The following PYGM variants were observed in gnomAD, a reference collection of about 807,000 sequenced individuals.
The protein encoded by PYGM is glycogen phosphorylase, muscle associated.
In PYGM, 81 loss-of-function variants were observed where a neutral mutation model predicts 99.3. The ratio of observed to expected loss-of-function variants is 0.82; its 90% CI spans 0.68 to 0.98. PYGM has a LOEUF of 0.98. PYGM is among the 50% of genes least tolerant of loss of function. The pLI is 0.00. For synonymous variants in PYGM, 436 were observed against 451.5 expected (o/e 0.97, Z 0.44); for missense variants, 1,030 against 1,158.1 (o/e 0.89, Z 1.61).
chr11:64,759,148 A>G (rs1405013045), intron 1 of PYGM, among the ~76,000 whole-genome samples: 1 of 152,158 alleles, frequency 6.6e-6, no homozygotes, highest in Non-Finnish European at 1.5e-5. Flanking sequence ...CAGAGGCACC[A>G]GAAACTAGGA....
intron 1 of PYGM, 87 bp from the exon 2 acceptor site, chr11:64,758,791 C>G: frequency 2.5e-6 from 3 of 1,200,242 alleles, no homozygotes; most frequent in Non-Finnish European, 3.7e-6. Flanking sequence ...GACCTCTGGC[C>G]CGCCTGCCCT....
chr11:64,747,052 A>G (rs1214969609), intron 18 of PYGM, 65 bp from the exon 19 acceptor site: 2 of 1,591,374 alleles, frequency 1.3e-6, no homozygotes, highest in Non-Finnish European at 1.7e-6. Flanking sequence ...TATGAGGTCA[A>G]GGGCCAAGCC....
chr11:64,754,723 C>A lies in PYGM; in HGVS notation c.969G>T (p.Val323=). ...KSSKFGCRDP[V]RTNFDAFPDK... Reference sequence around the variant, plus strand: ...CTGGGAAGGCATCGAAGTTCGTGCGCACGGGATCACGGCAGCCGAACTTGG... The same window carrying A: ...CTGGGAAGGCATCGAAGTTCGTGCGAACGGGATCACGGCAGCCGAACTTGG... The change falls in exon 8 of 20, where the codon GTG becomes GTT. Residue 323 remains valine, a synonymous_variant. Transcript: ENST00000164139. This position sits in a 1 kb window ranked among gnomAD's most constrained non-coding sequence, Gnocchi z 5.5. 1 of 1,613,740 alleles carries A rather than the reference C, an allele frequency of 6.2e-7. No individual in the cohort carries two copies. Among genetic ancestry groups the A allele is most frequent in the African/African-American group, 1.3e-5 (1 of 75,008 alleles).
In PYGM at chr11:64,747,256, C is replaced by T. The variant is rs559739461; in HGVS notation, c.2280G>A (p.Lys760=). 3.1e-6 allele frequency: 5 copies of T among 1,614,170 alleles called. No homozygotes were observed. Among genetic ancestry groups the T allele is most frequent in the Non-Finnish European group, 4.2e-6 (5 of 1,179,992 alleles). The part of the protein sequence containing the change: ...FFSPKQPDLF[K]DIVNMLMHHD... ...GGTGCATGAGCATATTGACAATGTCCTTGAACAGGTCGGGCTGTTTGGGGG... is the reference window on the plus strand; with the variant it reads ...GGTGCATGAGCATATTGACAATGTCTTTGAACAGGTCGGGCTGTTTGGGGG... Residue 760 remains lysine, a synonymous_variant, in exon 18 of 20, where the codon AAG becomes AAA. Coordinates refer to ENST00000164139, the MANE Select transcript of PYGM (RefSeq NM_005609.4).
chr11:64,757,874 G>C lies in PYGM; in HGVS notation c.565C>G (p.Pro189Ala). The C allele has an allele frequency of 6.2e-7, 1 of 1,614,140 alleles. No individual in the cohort carries two copies. The highest frequency in any genetic ancestry group is 1.6e-4 in the Middle Eastern group (1 of 6,062). Residue 189 changes from proline to alanine, a missense_variant, in exon 5 of 20, where the codon CCC becomes GCC. Transcript: ENST00000164139. ...AACTCGGGCCGGGCCTTCTCCCAGG[G>C]GTTGCCGTAGCGAAGCCAGTCATCG... ...EADDWLRYGN[P>A]WEKARPEFTL...
At chr11:64,756,733 G>A (rs2058396723) in intron 5 of PYGM, among the ~76,000 whole-genome samples, 1 of 151,996 alleles carries the variant, frequency 6.6e-6, no homozygotes, top group Non-Finnish European at 1.5e-5. Flanking sequence ...GATTACAGGT[G>A]TAAGTCACCA....
rs141265458 is a variant in PYGM, at chr11:64,758,257, C to A, written c.517G>T (p.Gly173Trp). 6 of 1,612,972 alleles carry A rather than the reference C, an allele frequency of 3.7e-6. No individual in the cohort carries two copies. The East Asian group carries it at 1.3e-4, about 36-fold the overall frequency. ...EFGIFNQKIS[G>W]GWQMEEADDW... ...CCAAGGCTGCTCACCTGCCAGCCCC[C>A]GGAGATCTTCTGGTTAAAAATCCCA... The change falls in exon 4 of 20, where the codon GGG (glycine) becomes TGG (tryptophan). Residue 173 changes from glycine (G) to tryptophan (W), a missense_variant. Physicochemically the swap from Gly to Trp is radical, Grantham distance 184. Coordinates refer to ENST00000164139, the MANE Select transcript of PYGM (RefSeq NM_005609.4).
Position 64,752,515 on chromosome 11 carries a change from A to G in PYGM, c.1519-11T>C. ...GTCCTCCCCGATGCGCTATGGGAAG[A>G]CGGCTCTCAGCCAAGCCCATCCCCA... On this transcript the variant is annotated splice_polypyrimidine_tract_variant and intron_variant, in intron 12 of 19. Transcript: ENST00000164139. 6.2e-7 allele frequency: 1 copy of G among 1,611,570 alleles called. No homozygotes were observed. The highest frequency in any genetic ancestry group is 1.7e-4 in the Middle Eastern group (1 of 6,058).
Position 64,757,882 on chromosome 11 carries a change from T to C in PYGM, c.557A>G (p.Tyr186Cys), listed in dbSNP as rs755904043. ...QMEEADDWLR[Y>C]GNPWEKARPE... is the part of the protein sequence containing the mutation. ...CCGGGCCTTCTCCCAGGGGTTGCCG[T>C]AGCGAAGCCAGTCATCGGCCTCCTC... The change falls in exon 5 of 20, where the codon TAC becomes TGC. Residue 186 changes from tyrosine to cysteine, a missense_variant. Tyr to Cys is a radical substitution (Grantham distance 194, BLOSUM62 -2). Transcript: ENST00000164139. 2 of 1,614,086 alleles carry C rather than the reference T, an allele frequency of 1.2e-6. No individual in the cohort carries two copies. The highest frequency in any genetic ancestry group is 2.2e-5 in the East Asian group (1 of 44,884).
In PYGM at chr11:64,754,052, T is replaced by G. The variant is rs1172086524; in HGVS notation, c.1093-27A>C. 6.3e-7 allele frequency: 1 copy of G among 1,595,614 alleles called. No homozygotes were observed. The highest frequency in any genetic ancestry group is 1.3e-5 in the African/African-American group (1 of 74,452). ...TGGCACACGGGGTGGGCAGTCAGGA[T>G]GCTGACCTCAGCCCAGTGGGTCTCC... On this transcript the variant is annotated intron_variant, in intron 9 of 19. Transcript: ENST00000164139. The surrounding 1 kb of genome is among the most constrained non-coding windows in gnomAD (Gnocchi z 5.5).
intron 17 of PYGM, chr11:64,747,617 C>T: frequency 1.9e-6 from 1 of 514,050 alleles, no homozygotes; most frequent in Non-Finnish European, 3.5e-6. Context: ...CCCAAACAAG[C>T]TCTTTTCTCC....
Position 64,753,646 on chromosome 11 carries a change from G to A in PYGM, c.1276C>T (p.Leu426=), listed in dbSNP as rs1222482593. ...TCCTCCACCAGCGACATGCGCCGCA[G>A]CCGGTCTACGTCCCCTGGGAATGCG... The part of the protein sequence containing the change: ...AAAFPGDVDR[L]RRMSLVEEGA... The change falls in exon 11 of 20, where the codon CTG becomes TTG. Residue 426 remains leucine, a synonymous_variant. Transcript: ENST00000164139. 2 of 1,608,780 alleles carry A rather than the reference G, an allele frequency of 1.2e-6. No individual in the cohort carries two copies. The highest frequency in any genetic ancestry group is 4.5e-5 in the East Asian group (2 of 44,798).
rs975109220 is a variant in PYGM at position 64,751,248 on chromosome 11, A to G, written c.1969+77T>C. 3 of 1,589,686 alleles carry G rather than the reference A, an allele frequency of 1.9e-6. No individual in the cohort carries two copies. The African/African-American group carries it at 4.0e-5, about 21-fold the overall frequency. On this transcript the variant is annotated intron_variant, in intron 16 of 19. Coordinates refer to ENST00000164139, the MANE Select transcript of PYGM (RefSeq NM_005609.4). ...TTCTTCTTTCAAGTACAAGTATCCC[A>G]GGAAGAGACGACTGATACCTCTTCC...
chr11:64,747,143 C>A lies in PYGM; in HGVS notation c.2312+81G>T, dbSNP rs2058317788. On this transcript the variant is annotated intron_variant, in intron 18 of 19. Transcript: ENST00000164139. ...GCCTGGCTCCAACTACCAGGACCCG[C>A]GTCCGGCTTCCCCACCACACACCTG... The A allele has an allele frequency of 6.9e-6, 11 of 1,587,610 alleles. No homozygotes were observed. In the South Asian group the frequency reaches 1.2e-4, roughly 18 times the overall value.
At chr11:64,748,904 C>T (rs930120867) in intron 17 of PYGM, 1 of 151,306 alleles carries the variant, frequency 6.6e-6, no homozygotes, top group African/African-American at 2.4e-5. Context: ...CAAAAATTAC[C>T]TGGGCGTGAT....
In PYGM at chr11:64,756,602, C is replaced by T. The variant is rs143637056; in HGVS notation, c.661-1044G>A. Among the ~76,000 whole-genome samples, 391 of 152,276 alleles carry T rather than the reference C, an allele frequency of 2.6e-3. 5 individuals are homozygous for T. Among genetic ancestry groups the T allele is most frequent in the Non-Finnish European group, 2.9e-3 (199 of 68,026 alleles). ...AGTGGCTGGGATTACAGGCACGTGC[C>T]ACCATGCCCGGCTAATGTTTTTGTG... On this transcript the variant is annotated intron_variant, in intron 5 of 19. Coordinates refer to ENST00000164139, the MANE Select transcript of PYGM (RefSeq NM_005609.4).
rs2058356597 is a variant in PYGM at position 64,751,577 on chromosome 11, G to T, written c.1827+20C>A. Reference sequence around the variant, plus strand: ...ATATATCAAAGGACGGGAGCCCAGGGCTGGAGCCTGGCTTCTCACCTTCCC... The same window carrying T: ...ATATATCAAAGGACGGGAGCCCAGGTCTGGAGCCTGGCTTCTCACCTTCCC... On this transcript the variant is annotated intron_variant, in intron 15 of 19. Coordinates refer to ENST00000164139, the MANE Select transcript of PYGM (RefSeq NM_005609.4). The T allele has an allele frequency of 1.2e-6, 2 of 1,614,058 alleles. No individual in the cohort carries two copies. The highest frequency in any genetic ancestry group is 1.7e-6 in the Non-Finnish European group (2 of 1,179,970).
chr11:64,752,544 C>T, intron 12 of PYGM, 40 bp from the exon 13 acceptor site: 1 of 1,563,626 alleles, frequency 6.4e-7, no homozygotes, highest in Non-Finnish European at 8.8e-7. Context: ...ATCCCCATGT[C>T]CTCCCTCCTC....
Position 64,747,267 on chromosome 11 carries a change from C to A in PYGM, c.2269G>T (p.Asp757Tyr), listed in dbSNP as rs752919943. 2 of 1,614,122 alleles carry A rather than the reference C, an allele frequency of 1.2e-6. No individual in the cohort carries two copies. Among genetic ancestry groups the A allele is most frequent in the South Asian group, 2.2e-5 (2 of 91,076 alleles). Residue 757 changes from aspartate (D) to tyrosine (Y), a missense_variant, in exon 18 of 20, where the codon GAC becomes TAC. Coordinates refer to ENST00000164139, the MANE Select transcript of PYGM (RefSeq NM_005609.4). ...SSGFFSPKQP[D>Y]LFKDIVNMLM... ...ATATTGACAATGTCCTTGAACAGGTCGGGCTGTTTGGGGGAGAAGAAGCCA... is the reference window on the plus strand; with the variant it reads ...ATATTGACAATGTCCTTGAACAGGTAGGGCTGTTTGGGGGAGAAGAAGCCA...
Sources: gnomAD v4.1 joint callset for allele counts (sites outside exome capture counted in the v4.1 genomes callset) on GRCh38, gnomAD v4.1.1 for gene constraint, Gnocchi (gnomAD v3.1) non-coding constraint, MANE v1.5 for transcripts, NCBI Gene and HGNC (gene_info 2026-07-23, HGNC 2026-07-21) for gene names.